The following SASH1 variants were observed in gnomAD, a reference collection of about 807,000 sequenced individuals.
SASH1 encodes SAM and SH3 domain containing 1, also known as SAM and SH3 domain-containing protein 1.
In SASH1, 44 loss-of-function variants were observed where a neutral mutation model predicts 125.2. The observed-to-expected ratio is 0.35, with a 90% confidence interval of 0.28 to 0.45. SASH1 has a LOEUF of 0.45. Among genes scored for constraint, SASH1 ranks in the 20% least tolerant of loss-of-function variants. The pLI is 1.00. For synonymous variants in SASH1, 639 were observed against 649.1 expected (o/e 0.98, Z 0.24); for missense variants, 1,426 against 1,614.5 (o/e 0.88, Z 2.00).
intron 2 of SASH1, among the ~76,000 whole-genome samples, chr6:148,410,013 A>G (rs367863009): frequency 7.2e-5 from 11 of 151,756 alleles, no homozygotes; most frequent in African/African-American, 2.7e-4. Flanking sequence ...TCTTGACACA[A>G]ATTTGATTTC....
chr6:148,421,441 C>T (rs144762422), intron 2 of SASH1, among the ~76,000 whole-genome samples: 31,069 of 152,136 alleles, frequency 0.2, 3,280 homozygotes, highest in East Asian at 0.28. Context: ...GTAGCTGGGA[C>T]TACAGGCCTG....
intron 7 of SASH1, among the ~76,000 whole-genome samples, chr6:148,487,026 T>C (rs1252244798): frequency 9.1e-6 from 1 of 110,380 alleles, no homozygotes; most frequent in Admixed American, 9.8e-5. Flanking sequence ...TTTATATATA[T>C]ATTTGTTATA....
intron 4 of SASH1, among the ~76,000 whole-genome samples, chr6:148,440,853 A>C (rs1056479617): frequency 1.3e-5 from 2 of 152,174 alleles, no homozygotes; most frequent in African/African-American, 4.8e-5. Context: ...TTAAAACAAC[A>C]GTGAATGTGT....
rs578079114 is a variant in SASH1, at chr6:148,524,939, T to A, written c.1210-352T>A. Reference sequence around the variant, plus strand: ...TTATCTCTACTGAATGTAGCTGATGTTAGGGGAAGTTCTGTGCTGGAGACA... The same window carrying A: ...TTATCTCTACTGAATGTAGCTGATGATAGGGGAAGTTCTGTGCTGGAGACA... On this transcript the variant is annotated intron_variant, in intron 10 of 19. Coordinates refer to ENST00000367467, the MANE Select transcript of SASH1 (RefSeq NM_015278.5). The A allele has an allele frequency of 1.7e-5, 4 of 233,774 alleles. No individual in the cohort carries two copies. In the South Asian group the frequency reaches 2.5e-4, roughly 15 times the overall value. 14.5% of individuals were successfully genotyped at this position (233,774 alleles called of 1,614,324 possible). A position where few individuals can be genotyped will look rare whatever the true frequency, so the allele number is the denominator to read the frequency against.
chr6:148,459,315 C>G lies in SASH1; in HGVS notation c.387-9230C>G, dbSNP rs117072095. On this transcript the variant is annotated intron_variant, in intron 4 of 19. Coordinates refer to ENST00000367467, the MANE Select transcript of SASH1 (RefSeq NM_015278.5). ...TCCCATCCCAGATCTGATTCTCCCT[C>G]CTTCAAGCCCACATCGCTCCTGCAC... 7.8e-3 allele frequency among the ~76,000 whole-genome samples: 1,190 copies of G among 152,308 alleles called. 7 individuals carry two copies. The highest frequency in any genetic ancestry group is 0.01 in the Middle Eastern group (3 of 294).
intron 4 of SASH1, among the ~76,000 whole-genome samples, chr6:148,460,065 A>G (rs776518940): frequency 3.3e-5 from 5 of 152,192 alleles, no homozygotes; most frequent in Admixed American, 3.3e-4. Flanking sequence ...AGACAGAACA[A>G]AAGGAGGCAG....
intron 2 of SASH1, among the ~76,000 whole-genome samples, chr6:148,423,832 G>A (rs950608421): frequency 6.6e-6 from 1 of 152,014 alleles, no homozygotes; most frequent in Non-Finnish European, 1.5e-5. Flanking sequence ...ACTTTGGAAG[G>A]TCGTCTGTTT....
chr6:148,377,169 C>CA (rs59339599), intron 1 of SASH1, among the ~76,000 whole-genome samples: 16,077 of 94,026 alleles, frequency 0.17, 1,437 homozygotes, highest in Middle Eastern at 0.24. Flanking sequence ...GACTCCGTCT[C>CA]AAAAAAAAAA....
chr6:148,346,272 G>A (rs1781516900), intron 1 of SASH1, among the ~76,000 whole-genome samples: 1 of 152,146 alleles, frequency 6.6e-6, no homozygotes. Flanking sequence ...ATGGTTGTTT[G>A]AGTTCATTAG....
intron 4 of SASH1, among the ~76,000 whole-genome samples, chr6:148,455,417 G>A (rs1777296092): frequency 6.6e-6 from 1 of 152,178 alleles, no homozygotes; most frequent in Admixed American, 6.5e-5. Context: ...CATCGTCACG[G>A]TGACCTTGGA....
chr6:148,231,528 A>G, the SASH1 span, among the ~76,000 whole-genome samples: 1 of 152,230 alleles, frequency 6.6e-6, no homozygotes, highest in South Asian at 2.1e-4. Context: ...AGTGGAGTGG[A>G]TCCAGAGGAC....
chr6:148,466,934 A>G (rs1583206569), intron 4 of SASH1, among the ~76,000 whole-genome samples: 1 of 152,054 alleles, frequency 6.6e-6, no homozygotes, highest in South Asian at 2.1e-4. Flanking sequence ...GTGAAGATTC[A>G]GGTTTAAATC....
At chr6:148,290,895 AAAAG>A (rs1488387258) in intron 1 of SASH1, among the ~76,000 whole-genome samples, 52 of 151,614 alleles carry the variant, frequency 3.4e-4, no homozygotes, top group Non-Finnish European at 3.8e-4. Context: ...TAAAAAAAAA[AAAAG>A]AAAGAGAAAA....
At chr6:148,527,679 T>A in intron 12 of SASH1, 83 bp downstream of exon 12, 3 of 1,331,646 alleles carry the variant, frequency 2.3e-6, no homozygotes, top group Non-Finnish European at 3.2e-6. Context: ...TTTTAAATGG[T>A]GCTAAATACA....
chr6:148,342,923 GGCCGGGGCC>G lies in SASH1; in HGVS notation c.-136_-128del. On this transcript the variant is annotated 5_prime_UTR_variant, in exon 1 of 20. Coordinates refer to ENST00000367467, the MANE Select transcript of SASH1 (RefSeq NM_015278.5). ...CGCCTGCGAAGGGCCCCCGCGGGGT[GGCCGGGGCC>G]GCCGGGGCATGCAGCGCGGGGGCGC... The G allele has an allele frequency of 1.4e-6, 1 of 729,054 alleles. No individual in the cohort carries two copies. The highest frequency in any genetic ancestry group is 1.7e-6 in the Non-Finnish European group (1 of 595,788). The allele number at this position is 729,054 out of a possible 1,614,324, so 45.2% of individuals were successfully genotyped here.
chr6:148,492,057 C>A (rs1417987521), intron 8 of SASH1, among the ~76,000 whole-genome samples: 1 of 152,180 alleles, frequency 6.6e-6, no homozygotes, highest in Non-Finnish European at 1.5e-5. Context: ...GTTGTCCATA[C>A]CGGGTCCCTT....
At chr6:148,383,631 T>TC (rs1349857892) in intron 1 of SASH1, among the ~76,000 whole-genome samples, 1 of 152,232 alleles carries the variant, frequency 6.6e-6, no homozygotes, top group East Asian at 1.9e-4. Context: ...TGCTTTTTTT[T>TC]CTTTTTATTT....
intron 1 of SASH1, among the ~76,000 whole-genome samples, chr6:148,361,882 A>G (rs1342252927): frequency 2.6e-5 from 4 of 151,008 alleles, no homozygotes; most frequent in Non-Finnish European, 4.4e-5. Flanking sequence ...TCCCTGATGA[A>G]TGTCCAGCAT....
chr6:148,434,431 A>G (rs1330907519), intron 2 of SASH1, among the ~76,000 whole-genome samples: 1 of 152,170 alleles, frequency 6.6e-6, no homozygotes, highest in East Asian at 1.9e-4. Flanking sequence ...ATGCAAGACT[A>G]CATGCTTGTA....
Sources: allele counts gnomAD v4.1 joint callset (sites outside exome capture counted in the v4.1 genomes callset), GRCh38; gene constraint gnomAD v4.1.1; transcripts MANE v1.5; gene names NCBI Gene and HGNC (gene_info 2026-07-23, HGNC 2026-07-21).